Variants in MAMDC2 observed in about 807,000 individuals in gnomAD.
MAMDC2 encodes MAM domain-containing protein 2.
Under a neutral mutation model 89.8 loss-of-function variants are expected in MAMDC2, and 57 were observed. That is an observed-to-expected ratio of 0.63 (90% confidence interval 0.51 to 0.79). MAMDC2 has a LOEUF of 0.79. Ranked by LOEUF, MAMDC2 falls within the 30% of genes least tolerant of loss-of-function variation. The pLI, the probability that MAMDC2 is intolerant of heterozygous loss-of-function variation, is 0.00. For synonymous variants in MAMDC2, 313 were observed against 293.4 expected, an observed-to-expected ratio of 1.07 and a Z score of -0.68; for missense variants, 800 against 820.6, an observed-to-expected ratio of 0.97 and a Z score of 0.31.
intron 6 of MAMDC2, among the ~76,000 whole-genome samples, chr9:70,130,450 C>A (rs1007409589): frequency 2.0e-5 from 3 of 151,516 alleles, no homozygotes; most frequent in Admixed American, 1.3e-4. Context: ...AGGTTATTAA[C>A]TCACACAAGA....
intron 9 of MAMDC2, among the ~76,000 whole-genome samples, chr9:70,158,390 A>G (rs1927121): frequency 0.78 from 118,994 of 151,814 alleles, 46,775 homozygotes; most frequent in Admixed American, 0.83. Flanking sequence ...TATGAATTAA[A>G]ACATAAATCT....
rs752240547 is a variant in MAMDC2, at chr9:70,126,123, A to G, written c.644-36A>G. 5 of 1,557,224 alleles carry G rather than the reference A, an allele frequency of 3.2e-6. No individual in the cohort carries two copies. The Admixed American group carries it at 5.3e-5, about 17-fold the overall frequency. On this transcript the variant is annotated intron_variant, in intron 5 of 13. Transcript: ENST00000377182. ...AACCTCTTCCCCTCCCCCACCCCCA[A>G]CTCTTAACACTGTGCTCTGTCTGTG...
In MAMDC2 at chr9:70,221,356, A is replaced by AATATATATATATATATAT. The variant is rs1215738162; in HGVS notation, c.1911+2768_1911+2785dup. 2.3e-3 allele frequency among the ~76,000 whole-genome samples: 22 copies of AATATATATATATATATAT among 9,394 alleles called. 3 individuals carry two copies. The highest frequency in any genetic ancestry group is 0.015 in the Admixed American group (6 of 400). 6.2% of individuals were successfully genotyped at this position (9,394 alleles called of 152,430 possible). A position where few individuals can be genotyped will look rare whatever the true frequency, so the allele number is the denominator to read the frequency against. On this transcript the variant is annotated intron_variant, in intron 12 of 13. Transcript: ENST00000377182. Reference sequence around the variant, plus strand: ...AAAAAAAAAAGCAAGCCAAACAACAAATATATATATATATATATATATATA... The same window carrying AATATATATATATATATAT: ...AAAAAAAAAAGCAAGCCAAACAACAAATATATATATATATATATATATATATATATATATATATATATA...
At chr9:70,119,998 T>C (rs2030211524) in intron 5 of MAMDC2, among the ~76,000 whole-genome samples, 1 of 152,194 alleles carries the variant, frequency 6.6e-6, no homozygotes, top group African/African-American at 2.4e-5. Flanking sequence ...CATCTGTGAA[T>C]CCTGCTTAGC....
At position 70,203,218 on chromosome 9, in the gene MAMDC2, G is replaced by A. The variant is rs188612909; in HGVS notation, c.1652-15119G>A. On this transcript the variant is annotated intron_variant, in intron 11 of 13. Coordinates refer to ENST00000377182, the MANE Select transcript of MAMDC2 (RefSeq NM_153267.5). The stretch of plus-strand genomic sequence containing the variant: ...CCGGTTGTTCCTTTCCATGTTTAGC[G>A]CTTCCTTAAGGAGCTCTTTTAGGGC... 3.9e-5 allele frequency among the ~76,000 whole-genome samples: 6 copies of A among 152,184 alleles called. No homozygotes were observed. The East Asian group carries it at 9.6e-4, about 24-fold the overall frequency.
intron 3 of MAMDC2, chr9:70,109,206 A>G (rs971734238): frequency 2.6e-5 from 4 of 153,290 alleles, no homozygotes; most frequent in African/African-American, 9.7e-5. Context: ...ACTCTCCAAT[A>G]CCCACTGTCT....
rs764305748 is a variant in MAMDC2 at position 70,131,612 on chromosome 9, G to C, written c.994G>C (p.Glu332Gln). 8 of 1,600,962 alleles carry C rather than the reference G, an allele frequency of 5.0e-6. No homozygotes were observed. The Admixed American group carries it at 6.9e-5, about 14-fold the overall frequency. ...TCCTGTTCACTGCCAGAATCAGACA[G>C]GTGAGCATTCTCTATTTGTCATTGC... is the stretch of plus-strand genomic sequence containing the variant. The part of the protein sequence containing the change: ...FSPVHCQNQT[E>Q]LLFSAVEASC... The change falls in exon 7 of 14, where the codon GAA becomes CAA. Residue 332 changes from glutamate (E) to glutamine (Q), a missense_variant and splice_region_variant. Coordinates refer to ENST00000377182, the MANE Select transcript of MAMDC2 (RefSeq NM_153267.5).
At chr9:70,078,112 A>C (rs1827575724) in intron 2 of MAMDC2, among the ~76,000 whole-genome samples, 1 of 151,752 alleles carries the variant, frequency 6.6e-6, no homozygotes, top group African/African-American at 2.4e-5. Context: ...TATAGTGCAC[A>C]ATGTGTGAGA....
intron 11 of MAMDC2, among the ~76,000 whole-genome samples, chr9:70,196,589 A>C (rs2032978700): frequency 6.6e-6 from 1 of 152,122 alleles, no homozygotes; most frequent in Non-Finnish European, 1.5e-5. Context: ...AAACATAAAA[A>C]ATACTGAAGA....
At chr9:70,054,230 C>G (rs76047871) in intron 2 of MAMDC2, among the ~76,000 whole-genome samples, 1 of 151,946 alleles carries the variant, frequency 6.6e-6, no homozygotes, top group African/African-American at 2.4e-5. Flanking sequence ...GTTAAAATTA[C>G]GAGCAGAGAT....
chr9:70,076,832 T>A (rs757533428), intron 2 of MAMDC2, among the ~76,000 whole-genome samples: 1 of 152,180 alleles, frequency 6.6e-6, no homozygotes, highest in East Asian at 1.9e-4. Context: ...AAATAGTCCC[T>A]TCAGCCTTTC....
chr9:70,072,493 A>C (rs1172356554), intron 2 of MAMDC2, among the ~76,000 whole-genome samples: 1 of 152,226 alleles, frequency 6.6e-6, no homozygotes, highest in Non-Finnish European at 1.5e-5. Context: ...TAATAGTAGT[A>C]GCTTTATACT....
chr9:70,094,415 T>C (rs1050466116), intron 2 of MAMDC2, among the ~76,000 whole-genome samples: 9 of 152,320 alleles, frequency 5.9e-5, no homozygotes, highest in African/African-American at 2.2e-4. Flanking sequence ...AGGCAGAGAA[T>C]TGTGCATTTC....
At chr9:70,086,295 C>T (rs1359967931) in intron 2 of MAMDC2, 7 of 152,060 alleles carry the variant, frequency 4.6e-5, no homozygotes, top group Non-Finnish European at 8.8e-5. Flanking sequence ...ATCCGATTTC[C>T]ACTACAATGT....
intron 2 of MAMDC2, among the ~76,000 whole-genome samples, chr9:70,097,954 C>A (rs1476508187): frequency 6.6e-6 from 1 of 152,120 alleles, no homozygotes; most frequent in African/African-American, 2.4e-5. Flanking sequence ...AAAACATGCA[C>A]TGAAAAGACA....
At chr9:70,052,006 T>A (rs769645743) in intron 2 of MAMDC2, among the ~76,000 whole-genome samples, 172 of 152,088 alleles carry the variant, frequency 1.1e-3, no homozygotes, top group Middle Eastern at 3.4e-3. Flanking sequence ...TAAAAAAAAA[T>A]TTTTTTAAAG....
chr9:70,120,726 C>A (rs2030245943), intron 5 of MAMDC2, among the ~76,000 whole-genome samples: 1 of 152,138 alleles, frequency 6.6e-6, no homozygotes, highest in South Asian at 2.1e-4. Flanking sequence ...GGTCTTAGCA[C>A]AGATAGGAGA....
intron 7 of MAMDC2, among the ~76,000 whole-genome samples, chr9:70,136,599 AT>A (rs2118388171): frequency 6.6e-6 from 1 of 152,238 alleles, no homozygotes; most frequent in African/African-American, 2.4e-5. Flanking sequence ...TTTAAGATTC[AT>A]TTCTTCTTCT....
At chr9:70,135,019 G>C (rs1191196504) in intron 7 of MAMDC2, among the ~76,000 whole-genome samples, 2 of 152,094 alleles carry the variant, frequency 1.3e-5, no homozygotes, top group Non-Finnish European at 2.9e-5. Context: ...TGAACTCCAG[G>C]GAGCAGAGGA....
Sources: gnomAD v4.1 joint callset for allele counts (sites outside exome capture counted in the v4.1 genomes callset) on GRCh38, gnomAD v4.1.1 for gene constraint, MANE v1.5 for transcripts, NCBI Gene and HGNC (gene_info 2026-07-23, HGNC 2026-07-21) for gene names.